Variants in DBF4B observed in about 807,000 individuals in gnomAD.
DBF4B encodes DBF4B-CDC7 kinase regulatory subunit.
In DBF4B, 49 loss-of-function variants were observed where a neutral mutation model predicts 53.4. That is an observed-to-expected ratio of 0.92 (90% CI 0.73 to 1.16). DBF4B has a LOEUF of 1.16. Among genes scored for constraint, DBF4B ranks in the 50% most tolerant of loss-of-function variants. DBF4B has a pLI of 0.00. For missense variants in DBF4B, 692 were observed against 775.0 expected, an observed-to-expected ratio of 0.89 and a Z score of 1.27; for synonymous variants, 257 against 288.7, an observed-to-expected ratio of 0.89 and a Z score of 1.11.
At chr17:44,741,526 C>A in intron 10 of DBF4B, 74 bp downstream of exon 10, 1 of 1,046,528 alleles carries the variant, frequency 9.6e-7, no homozygotes, top group South Asian at 1.6e-5. Flanking sequence ...GCCTGCTGGT[C>A]AGATTTGGGA....
intron 2 of DBF4B, among the ~76,000 whole-genome samples, chr17:44,715,897 A>G (rs1973297752): frequency 7.6e-6 from 1 of 131,866 alleles, no homozygotes; most frequent in Non-Finnish European, 1.5e-5. Context: ...ATCTCAGCTC[A>G]ATGCAACCTC....
At chr17:44,725,684 C>CTTTTTT (rs68091397) in intron 3 of DBF4B, among the ~76,000 whole-genome samples, 1,921 of 87,568 alleles carry the variant, frequency 0.022, 200 homozygotes, top group African/African-American at 0.06. Context: ...TTTTGTGCTT[C>CTTTTTT]TTTTTTTTTT....
chr17:44,749,015 A>G lies in DBF4B; in HGVS notation c.1189+550A>G. 1 of 1,289,762 alleles carries G rather than the reference A, an allele frequency of 7.8e-7. No individual in the cohort carries two copies. The highest frequency in any genetic ancestry group is 1.0e-6 in the Non-Finnish European group (1 of 988,826). The allele number at this position is 1,289,762 out of a possible 1,614,324, so 79.9% of individuals were successfully genotyped here. ...TGGCCCCCAGGGCCTGAGGATTCTG[A>G]GTGTACAGCCACTGGCCCTGTATCC... On this transcript the variant is annotated intron_variant, in intron 13 of 13. Transcript: ENST00000315005. This position sits in a 1 kb window ranked among gnomAD's most constrained non-coding sequence, Gnocchi z 4.4.
intron 2 of DBF4B, among the ~76,000 whole-genome samples, chr17:44,711,239 C>T (rs753350603): frequency 4.6e-5 from 7 of 152,006 alleles, no homozygotes; most frequent in Non-Finnish European, 1.0e-4. Flanking sequence ...CTGCTTCAGC[C>T]TCCCAAAATA....
At chr17:44,716,792 C>G (rs1973370321) in intron 2 of DBF4B, among the ~76,000 whole-genome samples, 2 of 152,102 alleles carry the variant, frequency 1.3e-5, no homozygotes, top group Non-Finnish European at 2.9e-5. Context: ...GGTATTTTAG[C>G]CTACTGTTTC....
At chr17:44,710,399 G>T (rs1236776113) in intron 2 of DBF4B, among the ~76,000 whole-genome samples, 1 of 151,924 alleles carries the variant, frequency 6.6e-6, no homozygotes, top group Non-Finnish European at 1.5e-5. Flanking sequence ...TTTCAGCCTT[G>T]TAGTAAAATT....
chr17:44,750,767 T>C lies in DBF4B; in HGVS notation c.1362T>C (p.Ser454=). 3.7e-6 allele frequency: 6 copies of C among 1,614,152 alleles called. No homozygotes were observed. Among genetic ancestry groups the C allele is most frequent in the Non-Finnish European group, 5.1e-6 (6 of 1,180,030 alleles). ...CCTGCCCAGCCTCCTTTACCCAGTCTCATCTGGTCACTTCCTTGGCTCTGC... is the reference window on the plus strand; with the variant it reads ...CCTGCCCAGCCTCCTTTACCCAGTCCCATCTGGTCACTTCCTTGGCTCTGC... ...LCPCPASFTQ[S]HLVTSLALLP... is the part of the protein sequence containing the mutation. The change falls in exon 14 of 14, where the codon TCT becomes TCC. Residue 454 remains serine, a synonymous_variant. Coordinates refer to ENST00000315005, the MANE Select transcript of DBF4B (RefSeq NM_145663.3).
intron 3 of DBF4B, among the ~76,000 whole-genome samples, chr17:44,727,945 T>A (rs544382582): frequency 2.0e-5 from 3 of 149,240 alleles, no homozygotes; most frequent in African/African-American, 7.4e-5. Flanking sequence ...CTCAAACTCC[T>A]GACCTCAGGT....
intron 2 of DBF4B, among the ~76,000 whole-genome samples, chr17:44,710,556 A>G (rs1026675644): frequency 5.3e-5 from 8 of 152,038 alleles, no homozygotes; most frequent in Admixed American, 3.3e-4. Flanking sequence ...TATGGATTAT[A>G]TTGATGAAAG....
At chr17:44,747,356 A>T in intron 11 of DBF4B, 35 bp from the exon 12 acceptor site, 1 of 1,612,176 alleles carries the variant, frequency 6.2e-7, no homozygotes, top group Non-Finnish European at 8.5e-7. Flanking sequence ...CCCAGGCCTC[A>T]TCTAATGCCC....
intron 11 of DBF4B, 67 bp downstream of exon 11, chr17:44,747,258 A>G: frequency 6.3e-7 from 1 of 1,599,432 alleles, no homozygotes; most frequent in Non-Finnish European, 8.6e-7. Context: ...ACTGGGGATG[A>G]GTCCTTCCTA....
At chr17:44,728,197 T>C (rs1049657324) in intron 3 of DBF4B, among the ~76,000 whole-genome samples, 1 of 152,066 alleles carries the variant, frequency 6.6e-6, no homozygotes, top group African/African-American at 2.4e-5. Context: ...CTATATGCAA[T>C]AAGCTAAACT....
chr17:44,717,471 C>T (rs1350571163), intron 2 of DBF4B, among the ~76,000 whole-genome samples: 1 of 151,936 alleles, frequency 6.6e-6, no homozygotes, highest in Non-Finnish European at 1.5e-5. Context: ...CTTTGGGAGG[C>T]CAAGGCAGGG....
chr17:44,740,153 C>G (rs1371736268), intron 9 of DBF4B, among the ~76,000 whole-genome samples: 1 of 152,160 alleles, frequency 6.6e-6, no homozygotes, highest in African/African-American at 2.4e-5. Context: ...GTTTCAAGCC[C>G]CCTAAGCAGA....
At chr17:44,709,039 C>G in intron 1 of DBF4B, 200 bp downstream of exon 1, 1 of 778,358 alleles carries the variant, frequency 1.3e-6, no homozygotes, top group Non-Finnish European at 2.1e-6. Flanking sequence ...GGGACAACAG[C>G]CTGGAGGGAT....
intron 13 of DBF4B, 72 bp downstream of exon 13, chr17:44,748,537 C>T (rs762502769): frequency 1.2e-5 from 19 of 1,602,878 alleles, no homozygotes; most frequent in Non-Finnish European, 1.5e-5. Flanking sequence ...TGGTGAGGTA[C>T]CTGGACCTAT....
intron 3 of DBF4B, among the ~76,000 whole-genome samples, chr17:44,726,194 G>C (rs1440239541): frequency 1.3e-5 from 2 of 150,790 alleles, no homozygotes; most frequent in East Asian, 3.9e-4. Flanking sequence ...TCTCCATGTT[G>C]GTTAGGCTGG....
chr17:44,732,075 C>A, intron 5 of DBF4B, 103 bp from the exon 6 acceptor site: 1 of 1,097,910 alleles, frequency 9.1e-7, no homozygotes, highest in Non-Finnish European at 1.3e-6. Context: ...GCAGTCCCTC[C>A]CATGGATGAC....
At chr17:44,716,726 G>C (rs1297394936) in intron 2 of DBF4B, among the ~76,000 whole-genome samples, 1 of 152,140 alleles carries the variant, frequency 6.6e-6, no homozygotes. Context: ...CTAGTCTTCT[G>C]CTGGGGTGGG....
Sources: gnomAD v4.1 joint callset for allele counts (sites outside exome capture counted in the v4.1 genomes callset) on GRCh38, gnomAD v4.1.1 for gene constraint, Gnocchi (gnomAD v3.1) non-coding constraint, MANE v1.5 for transcripts, NCBI Gene and HGNC (gene_info 2026-07-23, HGNC 2026-07-21) for gene names.